DAB1: variants seen among roughly 807,000 people sequenced by gnomAD.
DAB1 encodes DAB adaptor protein 1.
Under a neutral mutation model 64.6 loss-of-function variants are expected in DAB1, and 15 were observed. The observed-to-expected ratio is 0.23, with a 90% CI of 0.16 to 0.36. DAB1 has a LOEUF of 0.36. Among genes scored for constraint, DAB1 ranks in the 10% least tolerant of loss-of-function variants. DAB1 has a pLI of 1.00. For missense variants in DAB1, 596 were observed against 706.7 expected (o/e 0.84, Z 1.78); for synonymous variants, 235 against 251.9 (o/e 0.93, Z 0.64).
At chr1:57,850,625 G>C (rs1267804725) in intron 1 of DAB1, among the ~76,000 whole-genome samples, 6 of 152,172 alleles carry the variant, frequency 3.9e-5, no homozygotes, top group African/African-American at 7.2e-5. Context: ...TGGCCTGTGG[G>C]CTCTGGAGGG....
At chr1:58,432,290 A>G (rs1258339635) in intron 3 of DAB1, among the ~76,000 whole-genome samples, 1 of 152,212 alleles carries the variant, frequency 6.6e-6, no homozygotes, top group African/African-American at 2.4e-5. Context: ...ATGGCATTTA[A>G]CACAAACATT....
At chr1:57,545,286 C>T (rs1364397816) in intron 7 of DAB1, among the ~76,000 whole-genome samples, 1 of 152,194 alleles carries the variant, frequency 6.6e-6, no homozygotes, top group African/African-American at 2.4e-5. Context: ...TTCTATCCTC[C>T]TAGTCTGCCT....
chr1:57,717,197 A>G lies in DAB1; in HGVS notation n.552-67532T>C, dbSNP rs541336733. Among the ~76,000 whole-genome samples the G allele has an allele frequency of 2.8e-3, 425 of 152,150 alleles. 2 individuals carry two copies. Among genetic ancestry groups the G allele is most frequent in the African/African-American group, 8.7e-3 (363 of 41,506 alleles). ...ATATGTGGTGAGCCGAGACCGCACC[A>G]TTGCACTCCAGCCTGGGCGACAGAG... On this transcript the variant is annotated intron_variant and non_coding_transcript_variant, in intron 6 of 20. Transcript: ENST00000485760.
At chr1:58,452,943 T>C (rs972902167) in intron 3 of DAB1, among the ~76,000 whole-genome samples, 3 of 152,128 alleles carry the variant, frequency 2.0e-5, no homozygotes, top group Non-Finnish European at 4.4e-5. Context: ...AAAAAGTATA[T>C]TCACACAAAA....
At chr1:57,112,558 C>T (rs77972224) in intron 4 of DAB1, among the ~76,000 whole-genome samples, 4,463 of 152,142 alleles carry the variant, frequency 0.029, 88 homozygotes, top group Non-Finnish European at 0.042. Flanking sequence ...AACTAGGAGG[C>T]CAATGTGTTT....
intron 4 of DAB1, among the ~76,000 whole-genome samples, chr1:58,169,868 C>T (rs2797614): frequency 0.013 from 1,939 of 152,220 alleles, 49 homozygotes; most frequent in African/African-American, 0.04. Flanking sequence ...GGATTTGGCC[C>T]GACCCAGGTA....
At chr1:57,560,366 A>G (rs1645036574) in intron 7 of DAB1, among the ~76,000 whole-genome samples, 1 of 152,260 alleles carries the variant, frequency 6.6e-6, no homozygotes, top group African/African-American at 2.4e-5. Context: ...TATTGGTGAG[A>G]CATTTGCATG....
intron 4 of DAB1, among the ~76,000 whole-genome samples, chr1:57,095,542 TCA>T (rs1654080621): frequency 6.6e-6 from 1 of 152,212 alleles, no homozygotes; most frequent in Non-Finnish European, 1.5e-5. Context: ...TTTCCAAGTC[TCA>T]GTTACTTTGG....
chr1:58,239,620 C>T (rs2100373909), intron 4 of DAB1, among the ~76,000 whole-genome samples: 1 of 152,182 alleles, frequency 6.6e-6, no homozygotes, highest in South Asian at 2.1e-4. Flanking sequence ...TGTTGATTAC[C>T]AGGGGACCCT....
chr1:57,633,290 C>A (rs1168862247), intron 7 of DAB1, among the ~76,000 whole-genome samples: 1 of 152,200 alleles, frequency 6.6e-6, no homozygotes, highest in Non-Finnish European at 1.5e-5. Context: ...ATCTGAATAA[C>A]CAGAAGGGCT....
chr1:57,745,794 G>T (rs908739662), intron 6 of DAB1, among the ~76,000 whole-genome samples: 2 of 152,116 alleles, frequency 1.3e-5, no homozygotes, highest in African/African-American at 4.8e-5. Flanking sequence ...CCCTCTGATT[G>T]TCACTGCCAG....
intron 2 of DAB1, among the ~76,000 whole-genome samples, chr1:57,158,002 G>T (rs72911117): frequency 2.6e-5 from 4 of 152,102 alleles, no homozygotes; most frequent in Admixed American, 6.5e-5. Flanking sequence ...CTTTGAGGTC[G>T]GAAGGCATCA....
At chr1:58,542,043 T>C (rs1646631716) in intron 1 of DAB1, among the ~76,000 whole-genome samples, 1 of 152,240 alleles carries the variant, frequency 6.6e-6, no homozygotes. Context: ...ATTATCTATA[T>C]ATCAAACCAT....
intron 3 of DAB1, among the ~76,000 whole-genome samples, chr1:58,458,383 G>A (rs1261617291): frequency 6.6e-6 from 1 of 152,186 alleles, no homozygotes; most frequent in African/African-American, 2.4e-5. Context: ...ATTTTAGAGA[G>A]GTGGAAACAG....
chr1:57,600,669 C>T (rs963741385), intron 7 of DAB1, among the ~76,000 whole-genome samples: 2 of 152,078 alleles, frequency 1.3e-5, no homozygotes, highest in East Asian at 3.9e-4. Context: ...CCTTTCCTAG[C>T]GCCTATAGAA....
chr1:57,878,592 G>A (rs753918650), intron 1 of DAB1: 3 of 152,168 alleles, frequency 2.0e-5, no homozygotes, highest in Non-Finnish European at 4.4e-5. Context: ...GGGGTACAGA[G>A]TGATATTTTG....
chr1:57,523,390 C>T (rs760207476), intron 7 of DAB1, among the ~76,000 whole-genome samples: 2 of 152,206 alleles, frequency 1.3e-5, no homozygotes, highest in Non-Finnish European at 2.9e-5. Flanking sequence ...TCTCTGCTCC[C>T]ATCCCAACCC....
Position 57,439,418 on chromosome 1 carries a change from G to GTTTTTTTTTTTTTTTTT in DAB1, n.626-148253_626-148252insAAAAAAAAAAAAAAAAA. Among the ~76,000 whole-genome samples the GTTTTTTTTTTTTTTTTT allele has an allele frequency of 1.1e-3, 130 of 116,088 alleles. 14 individuals are homozygous for GTTTTTTTTTTTTTTTTT. The highest frequency in any genetic ancestry group is 1.9e-3 in the African/African-American group (53 of 28,274). 76.2% of individuals were successfully genotyped at this position (116,088 alleles called of 152,430 possible). ...GCCATGCCATCAACTTGGTGATGAG[G>GTTTTTTTTTTTTTTTTT]TTTTTTCTTTTTTTTTTTTTTTTTT... On this transcript the variant is annotated intron_variant and non_coding_transcript_variant, in intron 7 of 20. Transcript: ENST00000485760.
At chr1:57,013,056 T>C (rs1570494579) in intron 12 of DAB1, among the ~76,000 whole-genome samples, 1 of 152,236 alleles carries the variant, frequency 6.6e-6, no homozygotes, top group Admixed American at 6.5e-5. Context: ...GAAGGGGATA[T>C]ACGTTTCTCT....
Sources: gnomAD v4.1 joint callset for allele counts (sites outside exome capture counted in the v4.1 genomes callset) on GRCh38, gnomAD v4.1.1 for gene constraint, MANE v1.5 for transcripts, NCBI Gene and HGNC (gene_info 2026-07-23, HGNC 2026-07-21) for gene names.